CDH13: variants seen among roughly 807,000 people sequenced by gnomAD.
CDH13 encodes the protein cadherin 13, also known as cadherin-13.
CDH13 carries 24 observed loss-of-function variants against 63.8 expected under a neutral mutation model. The observed-to-expected ratio is 0.38, with a 90% CI of 0.27 to 0.53. CDH13 has a LOEUF of 0.53. Among genes scored for constraint, CDH13 ranks in the 20% least tolerant of loss-of-function variants. CDH13 has a pLI of 0.85. For synonymous variants in CDH13, 503 were observed against 355.3 expected (o/e 1.42, Z -4.67); for missense variants, 1,049 against 903.1 (o/e 1.16, Z -2.07).
chr16:82,653,204 G>A (rs1009073597), intron 1 of CDH13, among the ~76,000 whole-genome samples: 2 of 152,120 alleles, frequency 1.3e-5, no homozygotes, highest in Non-Finnish European at 2.9e-5. Context: ...TAGGGGGTGG[G>A]TGGATGGTTT....
intron 6 of CDH13, among the ~76,000 whole-genome samples, chr16:83,483,795 T>C (rs2073827042): frequency 6.6e-6 from 1 of 152,118 alleles, no homozygotes; most frequent in Admixed American, 6.5e-5. Flanking sequence ...TTTGCCTAGA[T>C]CAGGAAGTTT....
chr16:83,532,147 C>A (rs912772284), intron 7 of CDH13, among the ~76,000 whole-genome samples: 1 of 152,178 alleles, frequency 6.6e-6, no homozygotes, highest in African/African-American at 2.4e-5. Flanking sequence ...TCACCTGCTG[C>A]CATGATTGTG....
intron 4 of CDH13, among the ~76,000 whole-genome samples, chr16:83,138,344 C>T (rs529878021): frequency 2.4e-4 from 37 of 151,906 alleles, no homozygotes; most frequent in Non-Finnish European, 4.9e-4. Flanking sequence ...TGTAAACAGG[C>T]AGACAAGCGC....
intron 3 of CDH13, among the ~76,000 whole-genome samples, chr16:83,058,906 T>A (rs2031230293): frequency 6.7e-6 from 1 of 148,978 alleles, no homozygotes; most frequent in African/African-American, 2.6e-5. Flanking sequence ...TTGCTTTGCT[T>A]TTTTTAATCT....
intron 7 of CDH13, among the ~76,000 whole-genome samples, chr16:83,489,488 G>A (rs994807534): frequency 6.6e-6 from 1 of 152,166 alleles, no homozygotes; most frequent in South Asian, 2.1e-4. Context: ...CCTAAATTTA[G>A]GCAAGCTTTG....
intron 1 of CDH13, among the ~76,000 whole-genome samples, chr16:82,765,214 C>T (rs1448349689): frequency 6.6e-6 from 1 of 152,118 alleles, no homozygotes; most frequent in Non-Finnish European, 1.5e-5. Flanking sequence ...GTATTTGAGT[C>T]CTCTGATTCA....
At chr16:83,349,936 T>C (rs192480706) in intron 6 of CDH13, among the ~76,000 whole-genome samples, 29 of 152,176 alleles carry the variant, frequency 1.9e-4, no homozygotes, top group African/African-American at 5.8e-4. Flanking sequence ...CCAGAGTGGG[T>C]AACTGCAGCT....
intron 4 of CDH13, among the ~76,000 whole-genome samples, chr16:83,187,390 C>G (rs543945224): frequency 6.6e-6 from 1 of 152,172 alleles, no homozygotes; most frequent in South Asian, 2.1e-4. Flanking sequence ...TCTCAAATGC[C>G]AGCTGATTTA....
intron 2 of CDH13, among the ~76,000 whole-genome samples, chr16:82,899,551 C>G (rs766275817): frequency 6.6e-6 from 1 of 152,044 alleles, no homozygotes. Context: ...TTTCGGAACT[C>G]AGAAATAAAT....
At chr16:83,175,975 T>C (rs1342050891) in intron 4 of CDH13, among the ~76,000 whole-genome samples, 14 of 151,626 alleles carry the variant, frequency 9.2e-5, no homozygotes, top group Admixed American at 9.2e-4. Context: ...ATTACAGGCA[T>C]GTGCCACAAT....
At chr16:82,696,063 G>A (rs1049761932) in intron 1 of CDH13, among the ~76,000 whole-genome samples, 1 of 152,234 alleles carries the variant, frequency 6.6e-6, no homozygotes. Context: ...TCTACTTTCT[G>A]TAAACTAGAT....
intron 5 of CDH13, among the ~76,000 whole-genome samples, chr16:83,240,606 G>A (rs1239597404): frequency 6.8e-6 from 1 of 146,562 alleles, no homozygotes; most frequent in Non-Finnish European, 1.5e-5. Context: ...GGTGCAGTAT[G>A]TGATGAAAGA....
chr16:83,441,178 G>T (rs1340674776), intron 6 of CDH13, among the ~76,000 whole-genome samples: 2 of 152,198 alleles, frequency 1.3e-5, no homozygotes, highest in East Asian at 3.8e-4. Context: ...GGTCGACTGT[G>T]GATGGATCTT....
At chr16:83,239,114 G>GTCTACTTCCTACTCTAAATATAGCC in intron 5 of CDH13, among the ~76,000 whole-genome samples, 1 of 152,194 alleles carries the variant, frequency 6.6e-6, no homozygotes, top group Non-Finnish European at 1.5e-5. Flanking sequence ...TAAATATAGC[G>GTCTACTTCCTACTCTAAATATAGCC]CCTGTCTTGT....
At chr16:82,852,213 C>T (rs1276420463) in intron 1 of CDH13, among the ~76,000 whole-genome samples, 13 of 152,184 alleles carry the variant, frequency 8.5e-5, no homozygotes, top group Admixed American at 7.9e-4. Context: ...TTTTCACTGG[C>T]CTCTGGGATA....
intron 5 of CDH13, among the ~76,000 whole-genome samples, chr16:83,239,723 C>T (rs764292292): frequency 9.9e-5 from 15 of 152,180 alleles, no homozygotes; most frequent in Non-Finnish European, 1.2e-4. Flanking sequence ...CTCTTACTAC[C>T]TATCAATCAC....
intron 1 of CDH13, among the ~76,000 whole-genome samples, chr16:82,749,043 C>A (rs1039478227): frequency 1.3e-5 from 2 of 152,058 alleles, no homozygotes; most frequent in Admixed American, 1.3e-4. Flanking sequence ...TCTCACTCCC[C>A]TGAAATATGA....
At chr16:83,632,130 G>C (rs532266287) in intron 8 of CDH13, among the ~76,000 whole-genome samples, 5 of 152,316 alleles carry the variant, frequency 3.3e-5, no homozygotes, top group African/African-American at 1.2e-4. Flanking sequence ...AGGGAGGAAA[G>C]AGAAGGAGCT....
intron 4 of CDH13, among the ~76,000 whole-genome samples, chr16:83,214,520 C>A (rs939623282): frequency 1.5e-5 from 2 of 129,194 alleles, no homozygotes; most frequent in East Asian, 2.5e-4. Context: ...GCGGAGGTTG[C>A]AGTGAGCCGA....
Sources: gnomAD v4.1 joint callset for allele counts (sites outside exome capture counted in the v4.1 genomes callset) on GRCh38, gnomAD v4.1.1 for gene constraint, MANE v1.5 for transcripts, NCBI Gene and HGNC (gene_info 2026-07-23, HGNC 2026-07-21) for gene names.